Variants in SPINK2 observed in about 807,000 individuals in gnomAD.
SPINK2 encodes the protein serine peptidase inhibitor Kazal type 2, also known as serine protease inhibitor Kazal-type 2.
Under a neutral mutation model 13.5 loss-of-function variants are expected in SPINK2, and 8 were observed. The ratio of observed to expected loss-of-function variants is 0.59; its 90% CI spans 0.35 to 1.07. SPINK2 has a LOEUF of 1.07. Ranked by LOEUF, SPINK2 falls within the 50% of genes least tolerant of loss-of-function variation. The pLI is 0.02. For missense variants in SPINK2, 148 were observed against 180.3 expected (o/e 0.82, Z 1.03); for synonymous variants, 76 against 74.7 (o/e 1.02, Z -0.09).
At chr4:56,815,438 G>C (rs1362013214) in intron 2 of SPINK2, among the ~76,000 whole-genome samples, 1 of 152,134 alleles carries the variant, frequency 6.6e-6, no homozygotes, top group Non-Finnish European at 1.5e-5. Context: ...AGGGGCTCAT[G>C]CCTGTAATCC....
Position 56,810,077 on chromosome 4 carries a change from G to A in SPINK2, c.*62C>T, listed in dbSNP as rs958760078. 20 of 1,549,596 alleles carry A rather than the reference G, an allele frequency of 1.3e-5. No individual in the cohort carries two copies. Among genetic ancestry groups the A allele is most frequent in the Middle Eastern group, 1.7e-4 (1 of 6,002 alleles). The stretch of plus-strand genomic sequence containing the variant: ...ACAGGAAAAGAGAAAAAGGGGAAAT[G>A]CAATTTATCTAGTCTGCCAGTGAAG... On this transcript the variant is annotated 3_prime_UTR_variant, in exon 4 of 4. Transcript: ENST00000506738.
At chr4:56,814,511 T>C (rs562819275) in intron 2 of SPINK2, among the ~76,000 whole-genome samples, 1 of 152,084 alleles carries the variant, frequency 6.6e-6, no homozygotes, top group South Asian at 2.1e-4. Flanking sequence ...CACATGCTGG[T>C]CTTGAAGAAA....
intron 2 of SPINK2, among the ~76,000 whole-genome samples, chr4:56,813,919 CTTT>C (rs71194126): frequency 9.3e-5 from 9 of 97,118 alleles, no homozygotes; most frequent in East Asian, 3.0e-4. Context: ...GCACCTGGCC[CTTT>C]TTTTTTTTTT....
intron 1 of SPINK2, among the ~76,000 whole-genome samples, chr4:56,820,883 A>T (rs1717883655): frequency 6.6e-6 from 1 of 152,174 alleles, no homozygotes; most frequent in Non-Finnish European, 1.5e-5. Flanking sequence ...CCCAGAAAGG[A>T]TATTCAGTTT....
Position 56,814,308 on chromosome 4 carries a change from T to C in SPINK2, c.250-2514A>G, listed in dbSNP as rs115373890. ...CCCCATTCCTCAGTCCATGGAAAAA[T>C]TGTCTTCTACAAACTGGTCCCTGGT... is the stretch of plus-strand genomic sequence containing the variant. On this transcript the variant is annotated intron_variant, in intron 2 of 3. Coordinates refer to ENST00000506738, the MANE Select transcript of SPINK2 (RefSeq NM_001271718.2). Among the ~76,000 whole-genome samples, 646 of 151,790 alleles carry C rather than the reference T, an allele frequency of 4.3e-3. 9 individuals are homozygous for C. The highest frequency in any genetic ancestry group is 0.014 in the African/African-American group (569 of 41,398).
intron 3 of SPINK2, 81 bp from the exon 4 acceptor site, chr4:56,810,265 T>G (rs776986307): frequency 2.9e-5 from 33 of 1,133,620 alleles, no homozygotes; most frequent in Non-Finnish European, 4.2e-5. Context: ...AAAAGACCCA[T>G]GTAGATAGAT....
rs1043615188 is a variant in SPINK2, at chr4:56,820,548, T to G, written c.237A>C (p.Ser79=). The G allele has an allele frequency of 6.2e-7, 1 of 1,611,462 alleles. No homozygotes were observed. Among genetic ancestry groups the G allele is most frequent in the Admixed American group, 1.7e-5 (1 of 60,014 alleles). Residue 79 remains serine, a synonymous_variant, in exon 2 of 4, where the codon TCA becomes TCC. Coordinates refer to ENST00000506738, the MANE Select transcript of SPINK2 (RefSeq NM_001271718.2). ...ASLIPQFGLF[S]KYRTPNCSQY... ...GTTTGCTACTTACCGTTCTATATTT[T>G]GAAAACAGACCAAATTGAGGGATCA...
intron 2 of SPINK2, among the ~76,000 whole-genome samples, chr4:56,816,061 C>T (rs1717421582): frequency 6.6e-6 from 1 of 151,992 alleles, no homozygotes; most frequent in Non-Finnish European, 1.5e-5. Context: ...TATGATCATG[C>T]TATTGCACTC....
intron 2 of SPINK2, among the ~76,000 whole-genome samples, chr4:56,817,671 C>T (rs1459079615): frequency 2.6e-5 from 4 of 151,436 alleles, no homozygotes; most frequent in Non-Finnish European, 5.9e-5. Flanking sequence ...CTAGCCAACA[C>T]GGTGAAACCC....
intron 2 of SPINK2, among the ~76,000 whole-genome samples, chr4:56,819,237 A>G (rs1717718311): frequency 6.6e-6 from 1 of 152,200 alleles, no homozygotes; most frequent in Non-Finnish European, 1.5e-5. Flanking sequence ...GTGTATACAT[A>G]TCTACATCTC....
At chr4:56,818,856 G>A (rs999624024) in intron 2 of SPINK2, among the ~76,000 whole-genome samples, 1 of 152,142 alleles carries the variant, frequency 6.6e-6, no homozygotes, top group African/African-American at 2.4e-5. Context: ...AAGTGTTATT[G>A]GGCATCTGTG....
intron 2 of SPINK2, among the ~76,000 whole-genome samples, chr4:56,812,936 A>T (rs893967686): frequency 1.3e-5 from 2 of 152,224 alleles, no homozygotes; most frequent in African/African-American, 4.8e-5. Flanking sequence ...ACAGGAAGAG[A>T]GTTCAATCTG....
chr4:56,810,040 A>G lies in SPINK2; in HGVS notation c.*99T>C, dbSNP rs1321020180. The G allele has an allele frequency of 4.6e-6, 7 of 1,536,900 alleles. No individual in the cohort carries two copies. In the East Asian group the frequency reaches 7.4e-5, roughly 16 times the overall value. Reference sequence around the variant, plus strand: ...CAGAAAATGTGTGTTAACAAATCTCATGTAAAGAAACACAGGAAAAGAGAA... The same window carrying G: ...CAGAAAATGTGTGTTAACAAATCTCGTGTAAAGAAACACAGGAAAAGAGAA... On this transcript the variant is annotated 3_prime_UTR_variant, in exon 4 of 4. Coordinates refer to ENST00000506738, the MANE Select transcript of SPINK2 (RefSeq NM_001271718.2).
intron 1 of SPINK2, 163 bp downstream of exon 1, chr4:56,821,295 A>C: frequency 1.0e-6 from 1 of 985,384 alleles, no homozygotes; most frequent in South Asian, 4.7e-5. Flanking sequence ...CCATACATAA[A>C]AACTCAACTC....
In SPINK2 at chr4:56,821,638, C is replaced by G. The variant is rs766029238; in HGVS notation, c.25G>C (p.Ala9Pro). 5.8e-6 allele frequency: 9 copies of G among 1,547,094 alleles called. No individual in the cohort carries two copies. Among genetic ancestry groups the G allele is most frequent in the Non-Finnish European group, 7.0e-6 (8 of 1,147,194 alleles). The change falls in exon 1 of 4, where the codon GCG becomes CCG. Residue 9 changes from alanine (A) to proline (P), a missense_variant. Ala to Pro is a conservative substitution (Grantham distance 27). Coordinates refer to ENST00000506738, the MANE Select transcript of SPINK2 (RefSeq NM_001271718.2). ...AAGGTAACTGCCAGGAGCAGCAGCGCCAAGCGCAGCACCGACAGCGCCATC... is the reference window on the plus strand; with the variant it reads ...AAGGTAACTGCCAGGAGCAGCAGCGGCAAGCGCAGCACCGACAGCGCCATC... MALSVLRLALLLLAVTFAG... is the reference protein window; with the variant it reads MALSVLRLPLLLLAVTFAG...
chr4:56,814,995 G>A, intron 2 of SPINK2, among the ~76,000 whole-genome samples: 1 of 149,676 alleles, frequency 6.7e-6, no homozygotes, highest in Non-Finnish European at 1.5e-5. Flanking sequence ...AAAGGCTGAG[G>A]CAGGAGAATC....
intron 1 of SPINK2, 21 bp from the exon 2 acceptor site, chr4:56,820,600 C>T (rs1293061383): frequency 1.3e-6 from 2 of 1,583,280 alleles, no homozygotes; most frequent in East Asian, 2.2e-5. Context: ...AAAGCATAGA[C>T]ATTTTACAGT....
Sources: gnomAD v4.1 joint callset for allele counts (sites outside exome capture counted in the v4.1 genomes callset) on GRCh38, gnomAD v4.1.1 for gene constraint, MANE v1.5 for transcripts, NCBI Gene and HGNC (gene_info 2026-07-23, HGNC 2026-07-21) for gene names.